LAMB3: variants seen among roughly 807,000 people sequenced by gnomAD.
The protein encoded by LAMB3 is laminin subunit beta-3.
Under a neutral mutation model 140.3 loss-of-function variants are expected in LAMB3, and 104 were observed. The ratio of observed to expected loss-of-function variants is 0.74; its 90% CI spans 0.63 to 0.87. The LOEUF (loss-of-function observed/expected upper bound fraction) is 0.87, where lower values mean the gene tolerates loss of function less well. LAMB3 is among the 40% of genes least tolerant of loss of function. The pLI is 0.00. For missense variants in LAMB3, 1,531 were observed against 1,575.2 expected, an observed-to-expected ratio of 0.97 and a Z score of 0.47; for synonymous variants, 592 against 602.9, an observed-to-expected ratio of 0.98 and a Z score of 0.26.
At chr1:209,626,705 C>T (rs1195572820) in intron 13 of LAMB3, among the ~76,000 whole-genome samples, 162 bp downstream of exon 13, 2 of 152,230 alleles carry the variant, frequency 1.3e-5, no homozygotes, top group Non-Finnish European at 2.9e-5. Context: ...GAGGCCATGC[C>T]AACAGGCCGG....
chr1:209,651,009 C>T, intron 1 of LAMB3, 28 bp from the exon 2 acceptor site: 2 of 1,439,082 alleles, frequency 1.4e-6, no homozygotes, highest in Non-Finnish European at 2.0e-6. Flanking sequence ...AAACTGGGTA[C>T]AACAGTGCAA....
At chr1:209,622,402 G>T in intron 18 of LAMB3, 134 bp downstream of exon 18, 1 of 1,052,794 alleles carries the variant, frequency 9.5e-7, no homozygotes, top group Non-Finnish European at 1.4e-6. Flanking sequence ...TGGCCATGGT[G>T]CCAAGGAGAA....
At chr1:209,644,765 T>C (rs558608828) in intron 3 of LAMB3, among the ~76,000 whole-genome samples, 1 of 152,300 alleles carries the variant, frequency 6.6e-6, no homozygotes, top group African/African-American at 2.4e-5. Context: ...AGCACAGACA[T>C]CTCCAGAAAG....
In LAMB3 at chr1:209,617,392, A is replaced by G. The variant is rs1240998122; in HGVS notation, c.3228+18T>C. 1 of 1,611,384 alleles carries G rather than the reference A, an allele frequency of 6.2e-7. No individual in the cohort carries two copies. Among genetic ancestry groups the G allele is most frequent in the Admixed American group, 1.7e-5 (1 of 59,984 alleles). Reference sequence around the variant, plus strand: ...TCACTGGCCGTACATCATTGAGCTAACTCCGCCTTCTCTGTACCTCTTGGG... The same window carrying G: ...TCACTGGCCGTACATCATTGAGCTAGCTCCGCCTTCTCTGTACCTCTTGGG... On this transcript the variant is annotated intron_variant, in intron 21 of 22. Coordinates refer to ENST00000356082, the MANE Select transcript of LAMB3 (RefSeq NM_000228.3).
Position 209,638,523 on chromosome 1 carries a change from C to G in LAMB3, c.298+11G>C, listed in dbSNP as rs1275876417. 1 of 1,558,564 alleles carries G rather than the reference C, an allele frequency of 6.4e-7. No homozygotes were observed. Among genetic ancestry groups the G allele is most frequent in the Admixed American group, 1.7e-5 (1 of 59,978 alleles). The stretch of plus-strand genomic sequence containing the variant: ...GTACAGTTTGAGTTCCCGTAGATGG[C>G]AAATGCTCACCATTCTGTGACTGCC... On this transcript the variant is annotated intron_variant, in intron 4 of 22. Transcript: ENST00000356082.
intron 21 of LAMB3, 24 bp downstream of exon 21, chr1:209,617,386 G>A: frequency 6.2e-7 from 1 of 1,610,982 alleles, no homozygotes; most frequent in South Asian, 1.1e-5. Context: ...GTACATCATT[G>A]AGCTAACTCC....
intron 5 of LAMB3, among the ~76,000 whole-genome samples, chr1:209,637,392 A>G (rs2102443909): frequency 6.6e-6 from 1 of 152,312 alleles, no homozygotes; most frequent in East Asian, 1.9e-4. Context: ...AATTAAATGA[A>G]AATGTTTCCT....
chr1:209,649,584 G>A lies in LAMB3; in HGVS notation c.183+380C>T, dbSNP rs144009912. 8.2e-4 allele frequency among the ~76,000 whole-genome samples: 125 copies of A among 152,172 alleles called. 1 individual carries two copies. Among genetic ancestry groups the A allele is most frequent in the African/African-American group, 2.8e-3 (116 of 41,512 alleles). On this transcript the variant is annotated intron_variant, in intron 3 of 22. Coordinates refer to ENST00000356082, the MANE Select transcript of LAMB3 (RefSeq NM_000228.3). ...TCCTGCCATGGCAAGAACACAGTTC[G>A]GCCCACACATCCCAGCACCAAATAA... is the stretch of plus-strand genomic sequence containing the variant.
chr1:209,636,290 G>A lies in LAMB3; in HGVS notation c.372+1618C>T, dbSNP rs74702298. On this transcript the variant is annotated intron_variant, in intron 5 of 22. Transcript: ENST00000356082. ...TGTGCACTGTAGCCTGGTGAACAGC[G>A]TCCCTGACTTCTACCCACCAGTTAT... 4.0e-4 allele frequency among the ~76,000 whole-genome samples: 61 copies of A among 152,250 alleles called. No individual in the cohort carries two copies. The East Asian group carries it at 8.9e-3, about 22-fold the overall frequency.
chr1:209,648,297 C>T (rs1384386063), intron 3 of LAMB3, among the ~76,000 whole-genome samples: 2 of 152,324 alleles, frequency 1.3e-5, no homozygotes, highest in East Asian at 1.9e-4. Context: ...GACAGCGAGG[C>T]TTACACAGGG....
chr1:209,647,532 G>A (rs754341696), intron 3 of LAMB3, among the ~76,000 whole-genome samples: 3 of 152,264 alleles, frequency 2.0e-5, no homozygotes, highest in East Asian at 3.9e-4. Flanking sequence ...CTCAGGGCTC[G>A]CTATGTCATC....
At chr1:209,635,449 C>T (rs1448603353) in intron 5 of LAMB3, among the ~76,000 whole-genome samples, 1 of 152,176 alleles carries the variant, frequency 6.6e-6, no homozygotes, top group East Asian at 1.9e-4. Context: ...GTCACTCAGG[C>T]CAGAGTGCAG....
chr1:209,648,761 C>T (rs1049634288), intron 3 of LAMB3, among the ~76,000 whole-genome samples: 4 of 152,004 alleles, frequency 2.6e-5, no homozygotes, highest in South Asian at 2.1e-4. Flanking sequence ...GAAAGGAAAT[C>T]GGCAGAGGTC....
In LAMB3 at chr1:209,634,508, C is replaced by A; in HGVS notation, c.503G>T (p.Trp168Leu). 1 of 1,614,164 alleles carries A rather than the reference C, an allele frequency of 6.2e-7. No individual in the cohort carries two copies. Among genetic ancestry groups the A allele is most frequent in the Non-Finnish European group, 8.5e-7 (1 of 1,180,032 alleles). The change falls in exon 6 of 23, where the codon TGG (tryptophan) becomes TTG (leucine). Residue 168 changes from tryptophan (W) to leucine (L), a missense_variant. Coordinates refer to ENST00000356082, the MANE Select transcript of LAMB3 (RefSeq NM_000228.3). ...PRVRQGRPQS[W>L]QDVRCQSLPQ... ...CAGGGACTGGCACCGAACATCCTGC[C>A]AGCTCTGAGGCCGACCCTGGCGGAC...
intron 3 of LAMB3, among the ~76,000 whole-genome samples, chr1:209,649,137 A>T (rs1013913046): frequency 2.0e-5 from 3 of 152,180 alleles, no homozygotes; most frequent in African/African-American, 7.2e-5. Flanking sequence ...CATATCAGAT[A>T]CCACCTTCCA....
intron 22 of LAMB3, 48 bp from the exon 23 acceptor site, chr1:209,615,455 C>T (rs768114624): frequency 1.4e-5 from 21 of 1,544,946 alleles, no homozygotes; most frequent in Non-Finnish European, 1.5e-5. Flanking sequence ...TGGTGAGACT[C>T]CCCAAGACTC....
chr1:209,628,210 A>G lies in LAMB3; in HGVS notation c.1133-20T>C. ...CGCAGGCTGAGAGACAACAGCAGCC[A>G]CCGCAGTAGGAACAAAGAAAAGTAG... On this transcript the variant is annotated intron_variant, in intron 10 of 22. Coordinates refer to ENST00000356082, the MANE Select transcript of LAMB3 (RefSeq NM_000228.3). 6.4e-7 allele frequency: 1 copy of G among 1,552,412 alleles called. No individual in the cohort carries two copies. The highest frequency in any genetic ancestry group is 8.7e-7 in the Non-Finnish European group (1 of 1,147,554).
chr1:209,622,469 TGAACATGG>T (rs1666233437), intron 18 of LAMB3, 59 bp downstream of exon 18: 3 of 1,591,938 alleles, frequency 1.9e-6, no homozygotes, highest in Admixed American at 1.7e-5. Context: ...GCTGATGCAC[TGAACATGG>T]GAATGCGGGA....
chr1:209,642,379 T>G (rs1307405498), intron 3 of LAMB3, among the ~76,000 whole-genome samples: 1 of 152,212 alleles, frequency 6.6e-6, no homozygotes, highest in Non-Finnish European at 1.5e-5. Flanking sequence ...AAATGGCAAC[T>G]GCATACAGTT....
Sources: allele counts gnomAD v4.1 joint callset (sites outside exome capture counted in the v4.1 genomes callset), GRCh38; gene constraint gnomAD v4.1.1; transcripts MANE v1.5; gene names NCBI Gene and HGNC (gene_info 2026-07-23, HGNC 2026-07-21).